The following MYLK3 variants were observed in gnomAD, a reference collection of about 807,000 sequenced individuals.
The protein encoded by MYLK3 is myosin light chain kinase 3.
In MYLK3, 55 loss-of-function variants were observed where a neutral mutation model predicts 76.3. The observed-to-expected ratio is 0.72, with a 90% CI of 0.58 to 0.90. MYLK3 has a LOEUF of 0.90. Ranked by LOEUF, MYLK3 falls within the 40% of genes least tolerant of loss-of-function variation. MYLK3 has a pLI of 0.00. For synonymous variants in MYLK3, 416 were observed against 425.4 expected (o/e 0.98, Z 0.27); for missense variants, 973 against 1,053.6 (o/e 0.92, Z 1.06).
At chr16:46,723,161 T>C (rs1387938264) in intron 8 of MYLK3, among the ~76,000 whole-genome samples, 2 of 152,134 alleles carry the variant, frequency 1.3e-5, no homozygotes, top group African/African-American at 4.8e-5. Flanking sequence ...TCCCACCCCA[T>C]GGCAATCATT....
At chr16:46,740,027 G>A in intron 2 of MYLK3, 30 bp downstream of exon 2, 1 of 1,540,304 alleles carries the variant, frequency 6.5e-7, no homozygotes, top group South Asian at 1.1e-5. Flanking sequence ...TGTCTGCAAT[G>A]TTAGATAAAG....
At chr16:46,726,093 C>A (rs886241682) in intron 8 of MYLK3, 16 of 152,164 alleles carry the variant, frequency 1.1e-4, no homozygotes, top group Admixed American at 2.6e-4. Flanking sequence ...GGTGTCATTT[C>A]TTCACTTGTT....
At chr16:46,710,980 T>C in intron 10 of MYLK3, 191 bp from the exon 11 acceptor site, 1 of 644,522 alleles carries the variant, frequency 1.6e-6, no homozygotes. Flanking sequence ...CGGAAGGATT[T>C]AAAATTTGGA....
At position 46,729,012 on chromosome 16, in the gene MYLK3, T is replaced by A. The variant is rs577076896; in HGVS notation, c.1772+12A>T. The A allele has an allele frequency of 1.2e-5, 19 of 1,609,256 alleles. No individual in the cohort carries two copies. Among genetic ancestry groups the A allele is most frequent in the Admixed American group, 8.3e-5 (5 of 60,012 alleles). The stretch of plus-strand genomic sequence containing the variant: ...CTTGAGCCGAGGCGGCCGCCCCGCC[T>A]CTGATACTCACTACTCCATGACAAG... On this transcript the variant is annotated intron_variant, in intron 7 of 12. Transcript: ENST00000394809.
intron 2 of MYLK3, 31 bp downstream of exon 2, chr16:46,740,026 T>A (rs756567396): frequency 6.5e-7 from 1 of 1,527,212 alleles, no homozygotes; most frequent in Admixed American, 1.7e-5. Context: ...GTGTCTGCAA[T>A]GTTAGATAAA....
Position 46,729,672 on chromosome 16 carries a change from C to G in MYLK3, c.1584G>C (p.Gln528His), listed in dbSNP as rs781224041. 14 of 1,613,648 alleles carry G rather than the reference C, an allele frequency of 8.7e-6. No individual in the cohort carries two copies. In the Admixed American group the frequency reaches 2.3e-4, roughly 27 times the overall value. ...HEVLGGGRFG[Q>H]VHRCTEKSTG... ...TGGACTTCTCTGTGCACCTGTGGAC[C>G]TGGCCAAACCGACCCCTGCAGAGAC... is the stretch of plus-strand genomic sequence containing the variant. The change falls in exon 6 of 13, where the codon CAG (glutamine) becomes CAC (histidine). Residue 528 changes from glutamine to histidine, a missense_variant. Coordinates refer to ENST00000394809, the MANE Select transcript of MYLK3 (RefSeq NM_182493.3).
intron 4 of MYLK3, among the ~76,000 whole-genome samples, chr16:46,731,947 T>A (rs1410483718): frequency 6.6e-6 from 1 of 151,976 alleles, no homozygotes; most frequent in African/African-American, 2.4e-5. Flanking sequence ...AGCAAGACCC[T>A]GTCTCCAAAA....
chr16:46,714,922 T>C (rs1272903854), intron 9 of MYLK3, among the ~76,000 whole-genome samples: 4 of 152,242 alleles, frequency 2.6e-5, no homozygotes, highest in Non-Finnish European at 5.9e-5. Flanking sequence ...TTTTTGTTGT[T>C]GTTTTAAAGC....
chr16:46,707,507 G>A lies in MYLK3; in HGVS notation c.*197C>T, dbSNP rs1448684601. 3.0e-5 allele frequency: 16 copies of A among 541,674 alleles called. No individual in the cohort carries two copies. In the South Asian group the frequency reaches 4.3e-4, roughly 14 times the overall value. The allele number at this position is 541,674 out of a possible 1,614,324, so 33.6% of individuals were successfully genotyped here. A position where few individuals can be genotyped will look rare whatever the true frequency, so the allele number is the denominator to read the frequency against. On this transcript the variant is annotated 3_prime_UTR_variant, in exon 13 of 13. Transcript: ENST00000394809. ...ATTTCACACGTAGTGATCTTACAAG[G>A]CAGAAAAAAACGTTCTTAGGAAGCT... is the stretch of plus-strand genomic sequence containing the variant.
chr16:46,726,685 G>GAAAGAAAGAAAGAAAGAAAGAAAGAAAGA (rs1966841714), intron 8 of MYLK3: 4 of 121,560 alleles, frequency 3.3e-5, no homozygotes, highest in Non-Finnish European at 5.2e-5. Context: ...GAGAAAGAAA[G>GAAAGAAAGAAAGAAAGAAAGAAAGAAAGA]AAAGAAAGAA....
upstream of MYLK3, among the ~76,000 whole-genome samples, chr16:46,752,466 A>G (rs1261385175): frequency 1.3e-5 from 2 of 152,174 alleles, no homozygotes; most frequent in Non-Finnish European, 2.9e-5. Context: ...TAATCTATAC[A>G]ACAAGCCCCC....
chr16:46,716,343 G>T (rs907531588), intron 9 of MYLK3, among the ~76,000 whole-genome samples: 1 of 151,682 alleles, frequency 6.6e-6, no homozygotes, highest in African/African-American at 2.4e-5. Context: ...GATGTTATGA[G>T]AGATATATAT....
At chr16:46,747,656 G>A in intron 1 of MYLK3, 61 bp downstream of exon 1, 2 of 1,510,640 alleles carry the variant, frequency 1.3e-6, no homozygotes, top group Non-Finnish European at 9.0e-7. Context: ...TGGCTGCCTG[G>A]CCAGTCTCCC....
At chr16:46,735,536 A>G (rs529042118) in intron 3 of MYLK3, among the ~76,000 whole-genome samples, 5 of 152,322 alleles carry the variant, frequency 3.3e-5, no homozygotes, top group African/African-American at 1.2e-4. Context: ...AAAAGAAAAC[A>G]GTGACGCCTT....
chr16:46,729,251 C>T (rs1230445599), intron 6 of MYLK3, 118 bp from the exon 7 acceptor site: 1 of 782,782 alleles, frequency 1.3e-6, no homozygotes, highest in African/African-American at 1.7e-5. Flanking sequence ...TATTCTCACA[C>T]CAGGTCTCCC....
intron 9 of MYLK3, among the ~76,000 whole-genome samples, chr16:46,720,236 C>T (rs527566136): frequency 3.7e-4 from 56 of 152,060 alleles, no homozygotes; most frequent in Non-Finnish European, 6.2e-4. Context: ...TATTTTTAGA[C>T]AGGGTCTAGC....
chr16:46,750,076 C>T (rs543091362), upstream of MYLK3, among the ~76,000 whole-genome samples: 4 of 152,344 alleles, frequency 2.6e-5, no homozygotes, highest in Admixed American at 2.6e-4. Context: ...GGGGATTCAC[C>T]GTGCACCTCA....
upstream of MYLK3, among the ~76,000 whole-genome samples, chr16:46,751,186 G>A (rs146240633): frequency 2.0e-5 from 3 of 151,978 alleles, no homozygotes; most frequent in African/African-American, 4.8e-5. Context: ...CAAGGCAGGC[G>A]AATCACTTGA....
Position 46,707,128 on chromosome 16 carries a change from C to T in MYLK3, c.*576G>A, listed in dbSNP as rs1263032893. ...TTAAAAAGCACAGTCAAAATGATCA[C>T]TTCTTTGATTTGGCTATGAGAGTTG... On this transcript the variant is annotated 3_prime_UTR_variant, in exon 13 of 13. Transcript: ENST00000394809. 1 of 152,180 alleles carries T rather than the reference C, an allele frequency of 6.6e-6. No homozygotes were observed. The highest frequency in any genetic ancestry group is 1.5e-5 in the Non-Finnish European group (1 of 68,050). The allele number at this position is 152,180 out of a possible 1,614,324, so 9.4% of individuals were successfully genotyped here.
Sources: allele counts gnomAD v4.1 joint callset (sites outside exome capture counted in the v4.1 genomes callset), GRCh38; gene constraint gnomAD v4.1.1; transcripts MANE v1.5; gene names NCBI Gene and HGNC (gene_info 2026-07-23, HGNC 2026-07-21).